COLGALT2: variants seen among roughly 807,000 people sequenced by gnomAD.
The protein encoded by COLGALT2 is procollagen galactosyltransferase 2.
COLGALT2 carries 49 observed loss-of-function variants against 73.4 expected under a neutral mutation model. The observed-to-expected ratio is 0.67, with a 90% CI of 0.53 to 0.85. The LOEUF (loss-of-function observed/expected upper bound fraction) is 0.85, where lower values mean the gene tolerates loss of function less well. Among genes scored for constraint, COLGALT2 ranks in the 40% least tolerant of loss-of-function variants. COLGALT2 has a pLI of 0.00. For missense variants in COLGALT2, 722 were observed against 790.2 expected (o/e 0.91, Z 1.03); for synonymous variants, 295 against 307.6 (o/e 0.96, Z 0.43).
chr1:183,945,275 G>T (rs980005450), intron 9 of COLGALT2, among the ~76,000 whole-genome samples, 157 bp downstream of exon 9: 4 of 152,162 alleles, frequency 2.6e-5, no homozygotes, highest in Non-Finnish European at 5.9e-5. Flanking sequence ...TTTGTTGCTG[G>T]TCTTGGGTCA....
chr1:184,010,885 C>T (rs1056758890), intron 1 of COLGALT2, among the ~76,000 whole-genome samples: 8 of 152,234 alleles, frequency 5.3e-5, no homozygotes, highest in Middle Eastern at 6.8e-3. Flanking sequence ...AAAGGATCAT[C>T]GGCTCCTGGG....
At chr1:183,977,643 G>T (rs76526594) in intron 2 of COLGALT2, among the ~76,000 whole-genome samples, 11,748 of 151,930 alleles carry the variant, frequency 0.077, 816 homozygotes, top group East Asian at 0.41. Context: ...AATAAAATTA[G>T]CCAGGCATAG....
intron 1 of COLGALT2, among the ~76,000 whole-genome samples, chr1:184,034,256 ACT>A (rs960957106): frequency 2.0e-5 from 3 of 148,788 alleles, no homozygotes; most frequent in African/African-American, 7.4e-5. Flanking sequence ...CTGAGAGAAA[ACT>A]CTGGTTGATG....
At chr1:183,968,060 C>T (rs1670930179) in intron 5 of COLGALT2, among the ~76,000 whole-genome samples, 1 of 152,146 alleles carries the variant, frequency 6.6e-6, no homozygotes, top group African/African-American at 2.4e-5. Flanking sequence ...TGAATTGTAG[C>T]TTGAATTTGT....
chr1:183,996,248 A>G (rs1671767946), intron 1 of COLGALT2, among the ~76,000 whole-genome samples: 1 of 152,206 alleles, frequency 6.6e-6, no homozygotes, highest in Non-Finnish European at 1.5e-5. Flanking sequence ...CCTCAGGGAA[A>G]TCACCCTGTG....
intron 11 of COLGALT2, 78 bp from the exon 12 acceptor site, chr1:183,939,115 C>G: frequency 1.9e-6 from 2 of 1,033,138 alleles, no homozygotes; most frequent in Non-Finnish European, 1.4e-6. Context: ...GTGAAGGAGG[C>G]CTCCTGGTTA....
intron 1 of COLGALT2, among the ~76,000 whole-genome samples, chr1:184,007,923 AC>A (rs1446036549): frequency 6.6e-6 from 1 of 151,930 alleles, no homozygotes; most frequent in Non-Finnish European, 1.5e-5. Flanking sequence ...AATATTCATC[AC>A]CCCCCATTAC....
At chr1:184,016,459 T>G (rs1365674107) in intron 1 of COLGALT2, among the ~76,000 whole-genome samples, 1 of 152,184 alleles carries the variant, frequency 6.6e-6, no homozygotes, top group Non-Finnish European at 1.5e-5. Context: ...ACATAGAACT[T>G]TAAAAGAACA....
At chr1:183,969,534 C>T (rs190873690) in intron 4 of COLGALT2, 61 bp from the exon 5 acceptor site, 36 of 1,447,146 alleles carry the variant, frequency 2.5e-5, no homozygotes, top group Non-Finnish European at 3.2e-5. Context: ...CCTTCTCAGT[C>T]ATTTGCTAGA....
chr1:184,008,465 C>A (rs1672141120), intron 1 of COLGALT2, among the ~76,000 whole-genome samples: 1 of 152,204 alleles, frequency 6.6e-6, no homozygotes, highest in South Asian at 2.1e-4. Flanking sequence ...CATTGTGGCT[C>A]ATCCCTGTAA....
downstream of COLGALT2, among the ~76,000 whole-genome samples, chr1:183,931,091 A>G (rs1200565661): frequency 6.6e-6 from 1 of 152,212 alleles, no homozygotes; most frequent in African/African-American, 2.4e-5. Flanking sequence ...GCCTCGTATT[A>G]TAGATATGAG....
At chr1:183,999,586 A>C (rs1427712919) in intron 1 of COLGALT2, among the ~76,000 whole-genome samples, 1 of 152,034 alleles carries the variant, frequency 6.6e-6, no homozygotes, top group Non-Finnish European at 1.5e-5. Context: ...TCTGGGCCTA[A>C]TGGTTTCTTT....
chr1:183,949,814 A>G (rs138679728), intron 8 of COLGALT2, among the ~76,000 whole-genome samples: 1 of 152,358 alleles, frequency 6.6e-6, no homozygotes, highest in Non-Finnish European at 1.5e-5. Flanking sequence ...AGTTAAAGAA[A>G]ATATTTGACA....
intron 1 of COLGALT2, among the ~76,000 whole-genome samples, chr1:183,994,304 C>G (rs1198713354): frequency 6.6e-6 from 1 of 152,024 alleles, no homozygotes; most frequent in Non-Finnish European, 1.5e-5. Flanking sequence ...TCCCAAAGTG[C>G]TGGGATTACA....
chr1:183,954,629 A>C (rs368173013), intron 7 of COLGALT2, 133 bp downstream of exon 7: 7 of 553,794 alleles, frequency 1.3e-5, no homozygotes, highest in Admixed American at 1.0e-4. Context: ...AGTTTTCCCA[A>C]GACCTCAGAG....
rs1572665394 is a variant in COLGALT2, at chr1:183,996,876, C to G, written c.264-18356G>C. Among the ~76,000 whole-genome samples the G allele has an allele frequency of 4.6e-5, 7 of 152,330 alleles. 1 individual carries two copies. In the South Asian group the frequency reaches 1.5e-3, roughly 32 times the overall value. ...TATGCACCCAGAGGGCACTGCCACT[C>G]AGGCAATCAAAATATTAACTACTTA... On this transcript the variant is annotated intron_variant, in intron 1 of 11. Coordinates refer to ENST00000361927, the MANE Select transcript of COLGALT2 (RefSeq NM_015101.4).
chr1:183,977,734 G>C (rs1032100098), intron 2 of COLGALT2, among the ~76,000 whole-genome samples: 3 of 151,776 alleles, frequency 2.0e-5, no homozygotes, highest in Admixed American at 2.0e-4. Context: ...GGTTACAGTG[G>C]AGCTATGGTC....
intron 1 of COLGALT2, 53 bp from the exon 2 acceptor site, chr1:183,978,573 G>A (rs1671269201): frequency 1.4e-5 from 16 of 1,168,550 alleles, no homozygotes; most frequent in Non-Finnish European, 2.0e-5. Context: ...ATGAAAGAGA[G>A]GGAAATCCAA....
At chr1:184,013,710 T>G (rs996452666) in intron 1 of COLGALT2, among the ~76,000 whole-genome samples, 2 of 151,786 alleles carry the variant, frequency 1.3e-5, no homozygotes, top group African/African-American at 2.4e-5. Flanking sequence ...AGAAAGGTCA[T>G]GTAGCTTCCA....
Sources: gnomAD v4.1 joint callset for allele counts (sites outside exome capture counted in the v4.1 genomes callset) on GRCh38, gnomAD v4.1.1 for gene constraint, MANE v1.5 for transcripts, NCBI Gene and HGNC (gene_info 2026-07-23, HGNC 2026-07-21) for gene names.